Variants in HM13 observed in about 807,000 individuals in gnomAD.
The protein encoded by HM13 is histocompatibility minor 13, also known as signal peptide peptidase.
HM13 carries 18 observed loss-of-function variants against 50.0 expected under a neutral mutation model. The ratio of observed to expected loss-of-function variants is 0.36; its 90% CI spans 0.25 to 0.53. The LOEUF (loss-of-function observed/expected upper bound fraction) is 0.53, where lower values mean the gene tolerates loss of function less well. Among genes scored for constraint, HM13 ranks in the 20% least tolerant of loss-of-function variants. The probability of loss-of-function intolerance (pLI) is 0.90; values close to 1 mark genes in which losing one functional copy is unlikely to be tolerated. For missense variants in HM13, 393 were observed against 552.4 expected (o/e 0.71, Z 2.89); for synonymous variants, 197 against 232.6 (o/e 0.85, Z 1.39).
At chr20:31,562,999 G>T (rs1191291787) in intron 10 of HM13, among the ~76,000 whole-genome samples, 3 of 152,186 alleles carry the variant, frequency 2.0e-5, no homozygotes, top group Non-Finnish European at 2.9e-5. Context: ...TCCCCCAGTG[G>T]CCATAAGGTG....
chr20:31,527,464 G>T lies in HM13; in HGVS notation c.184-20G>T, dbSNP rs1317132638. 2 of 1,579,576 alleles carry T rather than the reference G, an allele frequency of 1.3e-6. No individual in the cohort carries two copies. The highest frequency in any genetic ancestry group is 2.7e-5 in the African/African-American group (2 of 74,156). On this transcript the variant is annotated intron_variant, in intron 1 of 12. Coordinates refer to ENST00000398174, the MANE Select transcript of HM13 (RefSeq NM_178581.3). Reference sequence around the variant, plus strand: ...TGGGAACCAGCCGTGCTGAGCCATTGTCATTCTTCTCTCCTCTAGAATGCT... The same window carrying T: ...TGGGAACCAGCCGTGCTGAGCCATTTTCATTCTTCTCTCCTCTAGAATGCT...
intron 8 of HM13, among the ~76,000 whole-genome samples, chr20:31,556,330 C>T (rs569648112): frequency 2.6e-5 from 4 of 152,198 alleles, no homozygotes; most frequent in African/African-American, 7.2e-5. Flanking sequence ...TGAGCCACCA[C>T]GCCTGGCCGA....
At chr20:31,548,749 C>T (rs1298441206) in intron 4 of HM13, 2 of 479,482 alleles carry the variant, frequency 4.2e-6, no homozygotes, top group African/African-American at 1.9e-5. Flanking sequence ...AAAGCCTGTG[C>T]TTCTAACACC....
intron 2 of HM13, among the ~76,000 whole-genome samples, chr20:31,532,017 C>T (rs1413188105): frequency 6.6e-6 from 1 of 152,126 alleles, no homozygotes. Context: ...AAGCATCCCC[C>T]TCACTTTAAA....
intron 3 of HM13, among the ~76,000 whole-genome samples, chr20:31,542,366 T>C (rs540832518): frequency 2.9e-4 from 44 of 152,268 alleles, no homozygotes; most frequent in Middle Eastern, 3.4e-3. Flanking sequence ...AAGGACCAGA[T>C]CTGCCACCCC....
intron 7 of HM13, among the ~76,000 whole-genome samples, chr20:31,552,655 C>T (rs890803187): frequency 2.0e-5 from 3 of 152,096 alleles, no homozygotes; most frequent in Non-Finnish European, 2.9e-5. Context: ...ACTTGCTGAC[C>T]GTGTGGCCTT....
At chr20:31,521,252 A>T (rs928611281) in intron 1 of HM13, among the ~76,000 whole-genome samples, 5 of 152,196 alleles carry the variant, frequency 3.3e-5, no homozygotes, top group Non-Finnish European at 7.3e-5. Context: ...AAACTTTCCA[A>T]CCGAAATTTC....
At position 31,514,449 on chromosome 20, in the gene HM13, G is replaced by A. The variant is rs1235989695; in HGVS notation, c.-103G>A. ...CTTGGGAGGGAGCACGTCACTTCCTGTTGCCTTAGGGGAACGTGGCTTTCC... is the reference window on the plus strand; with the variant it reads ...CTTGGGAGGGAGCACGTCACTTCCTATTGCCTTAGGGGAACGTGGCTTTCC... On this transcript the variant is annotated 5_prime_UTR_variant, in exon 1 of 13. Coordinates refer to ENST00000398174, the MANE Select transcript of HM13 (RefSeq NM_178581.3). The surrounding 1 kb of genome is among the most constrained non-coding windows in gnomAD (Gnocchi z 4.3). The A allele has an allele frequency of 3.7e-6, 5 of 1,340,178 alleles. No individual in the cohort carries two copies. Among genetic ancestry groups the A allele is most frequent in the Non-Finnish European group, 5.1e-6 (5 of 978,718 alleles). The allele number at this position is 1,340,178 out of a possible 1,614,324, so 83.0% of individuals were successfully genotyped here.
intron 4 of HM13, chr20:31,548,187 A>G (rs1115713): frequency 0.14 from 99,778 of 692,978 alleles, 11,711 homozygotes; most frequent in African/African-American, 0.49. Context: ...TTTATAGAAA[A>G]CAAATCAGGG....
Position 31,547,619 on chromosome 20 carries a change from G to A in HM13, c.455-1410G>A, listed in dbSNP as rs912568767. On this transcript the variant is annotated intron_variant, in intron 4 of 12. Transcript: ENST00000398174. The stretch of plus-strand genomic sequence containing the variant: ...GAGCAATTTCCAGGTATTGAACCAT[G>A]GCTTAATCAAATCATGCCTAAGAAA... 5.7e-6 allele frequency: 9 copies of A among 1,577,770 alleles called. No individual in the cohort carries two copies. In the African/African-American group the frequency reaches 9.6e-5, roughly 17 times the overall value.
chr20:31,556,056 C>T (rs1156831983), intron 8 of HM13, among the ~76,000 whole-genome samples: 2 of 139,412 alleles, frequency 1.4e-5, no homozygotes, highest in African/African-American at 2.8e-5. Flanking sequence ...TTTTTTGAGA[C>T]GGAGTTTTGC....
rs1981675316 is a variant in HM13 at position 31,514,839 on chromosome 20, T to TC, written c.183+108dup. The TC allele has an allele frequency of 1.8e-6, 2 of 1,109,182 alleles. No individual in the cohort carries two copies. The allele number at this position is 1,109,182 out of a possible 1,614,324, so 68.7% of individuals were successfully genotyped here. Reference sequence around the variant, plus strand: ...ACACCTCTCCCCGGACACTGACTCTTCCCAGCCCTGATCACCACCGTTCCC... The same window carrying TC: ...ACACCTCTCCCCGGACACTGACTCTTCCCCAGCCCTGATCACCACCGTTCCC... On this transcript the variant is annotated intron_variant, in intron 1 of 12. Transcript: ENST00000398174. This position sits in a 1 kb window ranked among gnomAD's most constrained non-coding sequence, Gnocchi z 4.3.
intron 1 of HM13, among the ~76,000 whole-genome samples, chr20:31,520,048 G>A (rs1446704843): frequency 6.6e-6 from 1 of 151,892 alleles, no homozygotes; most frequent in African/African-American, 2.4e-5. Flanking sequence ...ATACAGATGG[G>A]GTTTTACCAT....
At chr20:31,522,075 TG>T (rs1982198079) in intron 1 of HM13, among the ~76,000 whole-genome samples, 1 of 151,990 alleles carries the variant, frequency 6.6e-6, no homozygotes, top group South Asian at 2.1e-4. Flanking sequence ...TGTCCAACCT[TG>T]GTTTGTCACT....
chr20:31,549,155 G>A (rs1194820748), intron 5 of HM13, 41 bp downstream of exon 5: 1 of 1,613,912 alleles, frequency 6.2e-7, no homozygotes, highest in African/African-American at 1.3e-5. Context: ...GGATGGGGTT[G>A]ACAGGGCAGG....
chr20:31,560,694 CAG>C lies in HM13; in HGVS notation c.846-937_846-936del, dbSNP rs2122653391. On this transcript the variant is annotated intron_variant, in intron 9 of 12. Coordinates refer to ENST00000398174, the MANE Select transcript of HM13 (RefSeq NM_178581.3). ...ATTCAACTGCCAGCACCCTCAGAGA[CAG>C]AGTCTCATTTTTTAGCCTGGGCTCA... Among the ~76,000 whole-genome samples, 2 of 152,380 alleles carry C rather than the reference CAG, an allele frequency of 1.3e-5. 1 individual carries two copies. The highest frequency in any genetic ancestry group is 4.1e-4 in the South Asian group (2 of 4,830).
At chr20:31,530,716 T>C (rs1297667240) in intron 2 of HM13, among the ~76,000 whole-genome samples, 3 of 152,170 alleles carry the variant, frequency 2.0e-5, no homozygotes, top group Non-Finnish European at 4.4e-5. Context: ...GCCTCTTTCA[T>C]TCTTTTTAAC....
At chr20:31,549,512 T>C (rs1215193260) in intron 6 of HM13, among the ~76,000 whole-genome samples, 180 bp downstream of exon 6, 1 of 152,146 alleles carries the variant, frequency 6.6e-6, no homozygotes, top group Non-Finnish European at 1.5e-5. Context: ...GAGAGCAGAT[T>C]CTACCTCTTT....
chr20:31,559,107 G>A (rs932237484), intron 8 of HM13, among the ~76,000 whole-genome samples: 1 of 152,124 alleles, frequency 6.6e-6, no homozygotes, highest in South Asian at 2.1e-4. Flanking sequence ...TTAGTGAGAC[G>A]AGGTTTCGCC....
Sources: allele counts gnomAD v4.1 joint callset (sites outside exome capture counted in the v4.1 genomes callset), GRCh38; gene constraint gnomAD v4.1.1; non-coding constraint Gnocchi (gnomAD v3.1); transcripts MANE v1.5; gene names NCBI Gene and HGNC (gene_info 2026-07-23, HGNC 2026-07-21).